BATF: variants seen among roughly 807,000 people sequenced by gnomAD.
BATF encodes basic leucine zipper ATF-like transcription factor.
BATF carries 5 observed loss-of-function variants against 13.7 expected under a neutral mutation model. That is an observed-to-expected ratio of 0.36 (90% CI 0.19 to 0.77). The LOEUF is 0.77. BATF is among the 30% of genes least tolerant of loss of function. BATF has a pLI of 0.51. For synonymous variants in BATF, 72 were observed against 67.5 expected, an observed-to-expected ratio of 1.07 and a Z score of -0.33; for missense variants, 124 against 163.0, an observed-to-expected ratio of 0.76 and a Z score of 1.30.
At chr14:75,545,613 G>T (rs950133379) in intron 2 of BATF, among the ~76,000 whole-genome samples, 1 of 152,040 alleles carries the variant, frequency 6.6e-6, no homozygotes, top group Admixed American at 6.6e-5. Flanking sequence ...TTATTTGTAA[G>T]ACGAAATGCA....
chr14:75,539,244 C>T (rs1180294921), intron 2 of BATF, among the ~76,000 whole-genome samples: 2 of 152,198 alleles, frequency 1.3e-5, no homozygotes, highest in Non-Finnish European at 1.5e-5. Context: ...CCGAGCCTCT[C>T]GGCATCAGTC....
chr14:75,525,034 T>G, intron 1 of BATF, 50 bp from the exon 2 acceptor site: 1 of 1,498,782 alleles, frequency 6.7e-7, no homozygotes, highest in East Asian at 2.3e-5. Context: ...CTGCTTTCAC[T>G]CAGAAGGGAG....
intron 2 of BATF, among the ~76,000 whole-genome samples, chr14:75,537,676 T>C (rs991504832): frequency 2.2e-4 from 34 of 152,196 alleles, no homozygotes; most frequent in African/African-American, 8.0e-4. Flanking sequence ...TTAGAATTGT[T>C]TCCACCAATT....
chr14:75,543,547 C>A (rs1048688808), intron 2 of BATF, among the ~76,000 whole-genome samples: 9 of 152,076 alleles, frequency 5.9e-5, no homozygotes, highest in Non-Finnish European at 1.0e-4. Context: ...CTGATGGATT[C>A]GTTAGGGCAA....
chr14:75,528,394 T>A (rs946191509), intron 2 of BATF, among the ~76,000 whole-genome samples: 3 of 152,226 alleles, frequency 2.0e-5, no homozygotes, highest in African/African-American at 7.2e-5. Context: ...ATTCGACATT[T>A]TCAGCATCTA....
intron 2 of BATF, among the ~76,000 whole-genome samples, chr14:75,534,485 C>T (rs1471396945): frequency 6.6e-6 from 1 of 152,152 alleles, no homozygotes; most frequent in Non-Finnish European, 1.5e-5. Flanking sequence ...AGAACACCCC[C>T]TCACCCTGCT....
At chr14:75,528,133 G>T (rs887881667) in intron 2 of BATF, among the ~76,000 whole-genome samples, 2 of 152,198 alleles carry the variant, frequency 1.3e-5, no homozygotes, top group African/African-American at 4.8e-5. Flanking sequence ...TCCTTTCCAT[G>T]CTTGGCTCCA....
At position 75,546,863 on chromosome 14, in the gene BATF, G is replaced by C; in HGVS notation, c.*192G>C. 3 of 797,696 alleles carry C rather than the reference G, an allele frequency of 3.8e-6. No homozygotes were observed. Among genetic ancestry groups the C allele is most frequent in the Non-Finnish European group, 6.4e-6 (3 of 472,348 alleles). The allele number at this position is 797,696 out of a possible 1,614,324, so 49.4% of individuals were successfully genotyped here. A position where few individuals can be genotyped will look rare whatever the true frequency, so the allele number is the denominator to read the frequency against. On this transcript the variant is annotated 3_prime_UTR_variant, in exon 3 of 3. Coordinates refer to ENST00000286639, the MANE Select transcript of BATF (RefSeq NM_006399.5). The stretch of plus-strand genomic sequence containing the variant: ...AGTGCCGCAGCGTTTCGAGGGGCGT[G>C]TGCTGGACCCCACCACTGTGGGTTG...
chr14:75,526,225 C>T (rs1410907604), intron 2 of BATF, among the ~76,000 whole-genome samples: 2 of 152,180 alleles, frequency 1.3e-5, no homozygotes, highest in Non-Finnish European at 2.9e-5. Flanking sequence ...CATACCTTAC[C>T]ACCTTACCTC....
chr14:75,534,214 C>T (rs1887785693), intron 2 of BATF, among the ~76,000 whole-genome samples: 1 of 152,142 alleles, frequency 6.6e-6, no homozygotes, highest in South Asian at 2.1e-4. Context: ...AATATTTATG[C>T]TACAGAAAGA....
chr14:75,524,586 A>G (rs1410606570), intron 1 of BATF, among the ~76,000 whole-genome samples: 1 of 152,226 alleles, frequency 6.6e-6, no homozygotes, highest in Non-Finnish European at 1.5e-5. Context: ...GGAAATGATG[A>G]TATCAACTTC....
chr14:75,536,524 G>A (rs1344038659), intron 2 of BATF, among the ~76,000 whole-genome samples: 1 of 151,928 alleles, frequency 6.6e-6, no homozygotes, highest in African/African-American at 2.4e-5. Context: ...CCAGGAGTTC[G>A]AGACCAGCCT....
intron 2 of BATF, among the ~76,000 whole-genome samples, chr14:75,531,860 ACCAT>A (rs1233873335): frequency 2.0e-5 from 3 of 152,100 alleles, no homozygotes; most frequent in Non-Finnish European, 4.4e-5. Context: ...TCTCTGGGAG[ACCAT>A]GCCATAATGT....
At chr14:75,540,087 T>C (rs911073113) in intron 2 of BATF, among the ~76,000 whole-genome samples, 2 of 152,140 alleles carry the variant, frequency 1.3e-5, no homozygotes, top group African/African-American at 4.8e-5. Context: ...TTCACCCTTC[T>C]GGAAATTGTG....
At chr14:75,540,759 A>ATT (rs60155654) in intron 2 of BATF, among the ~76,000 whole-genome samples, 6,096 of 152,260 alleles carry the variant, frequency 0.04, 394 homozygotes, top group African/African-American at 0.14. Context: ...AAATACTTAA[A>ATT]AGAGTGATTG....
At chr14:75,526,694 C>CTA (rs1887659465) in intron 2 of BATF, among the ~76,000 whole-genome samples, 1 of 152,224 alleles carries the variant, frequency 6.6e-6, no homozygotes, top group Admixed American at 6.5e-5. Context: ...AAAGTCTGTA[C>CTA]TAACTGTGCT....
intron 2 of BATF, among the ~76,000 whole-genome samples, chr14:75,544,134 T>C (rs1429243033): frequency 6.6e-6 from 1 of 152,112 alleles, no homozygotes; most frequent in East Asian, 1.9e-4. Flanking sequence ...TAAAACAAAT[T>C]TAAAATAATA....
At chr14:75,536,157 C>T (rs1438495892) in intron 2 of BATF, among the ~76,000 whole-genome samples, 1 of 152,164 alleles carries the variant, frequency 6.6e-6, no homozygotes, top group Non-Finnish European at 1.5e-5. Flanking sequence ...AATCACATGA[C>T]ATGTAAAGTG....
At chr14:75,543,075 A>G (rs1366760971) in intron 2 of BATF, among the ~76,000 whole-genome samples, 1 of 152,220 alleles carries the variant, frequency 6.6e-6, no homozygotes, top group Non-Finnish European at 1.5e-5. Context: ...AAAGGGCTAG[A>G]GGAAGGAGCC....
Sources: gnomAD v4.1 joint callset for allele counts (sites outside exome capture counted in the v4.1 genomes callset) on GRCh38, gnomAD v4.1.1 for gene constraint, MANE v1.5 for transcripts, NCBI Gene and HGNC (gene_info 2026-07-23, HGNC 2026-07-21) for gene names.